EXOC4: variants seen among roughly 807,000 people sequenced by gnomAD.
EXOC4 encodes exocyst complex component 4, also known as SEC8-like 1.
EXOC4 carries 71 observed loss-of-function variants against 107.2 expected under a neutral mutation model. That is an observed-to-expected ratio of 0.66 (90% CI 0.55 to 0.81). The LOEUF is 0.81. Ranked by LOEUF, EXOC4 falls within the 30% of genes least tolerant of loss-of-function variation. EXOC4 has a pLI of 0.00. For missense variants in EXOC4, 1,108 were observed against 1,189.6 expected, an observed-to-expected ratio of 0.93 and a Z score of 1.01; for synonymous variants, 456 against 441.2, an observed-to-expected ratio of 1.03 and a Z score of -0.42.
intron 17 of EXOC4, among the ~76,000 whole-genome samples, chr7:134,057,022 C>T (rs763056519): frequency 2.6e-5 from 4 of 152,152 alleles, no homozygotes; most frequent in Non-Finnish European, 5.9e-5. Context: ...TAACTTTCAG[C>T]GTCTCCCCAG....
At chr7:133,361,281 A>C (rs1021272409) in intron 6 of EXOC4, among the ~76,000 whole-genome samples, 3 of 152,022 alleles carry the variant, frequency 2.0e-5, no homozygotes, top group Non-Finnish European at 4.4e-5. Flanking sequence ...GTATTGATTA[A>C]ATTTTTTCTT....
chr7:133,262,355 T>G (rs1443536371), intron 1 of EXOC4, among the ~76,000 whole-genome samples: 1 of 151,538 alleles, frequency 6.6e-6, no homozygotes, highest in Admixed American at 6.6e-5. Flanking sequence ...TTGGTCCTTA[T>G]AGTGGCCAGT....
chr7:133,331,610 C>T lies in EXOC4; in HGVS notation c.763+14220C>T, dbSNP rs557432780. ...CCTCCCCAGTAGCTGGGACTACAGG[C>T]GCCCGCCACCTCGCCCGGCTAATTT... is the stretch of plus-strand genomic sequence containing the variant. On this transcript the variant is annotated intron_variant, in intron 5 of 17. Transcript: ENST00000253861. 2.1e-3 allele frequency among the ~76,000 whole-genome samples: 318 copies of T among 151,866 alleles called. 1 individual carries two copies. Among genetic ancestry groups the T allele is most frequent in the African/African-American group, 7.2e-3 (299 of 41,422 alleles).
At chr7:133,712,601 A>G (rs1157291782) in intron 10 of EXOC4, among the ~76,000 whole-genome samples, 1 of 152,132 alleles carries the variant, frequency 6.6e-6, no homozygotes, top group Non-Finnish European at 1.5e-5. Context: ...ACTCCTAGAT[A>G]TATATACCAA....
At chr7:133,495,055 T>G (rs576033142) in intron 9 of EXOC4, among the ~76,000 whole-genome samples, 7 of 152,162 alleles carry the variant, frequency 4.6e-5, no homozygotes, top group Admixed American at 4.6e-4. Context: ...GCAGATCACG[T>G]GAGATCAGGA....
chr7:133,344,483 G>C (rs1584834009), intron 5 of EXOC4, among the ~76,000 whole-genome samples: 1 of 152,150 alleles, frequency 6.6e-6, no homozygotes, highest in East Asian at 1.9e-4. Context: ...GCAAAGTCCA[G>C]ATCTTTGTTT....
chr7:133,923,968 G>A (rs1799995846), intron 13 of EXOC4, among the ~76,000 whole-genome samples: 1 of 148,604 alleles, frequency 6.7e-6, no homozygotes, highest in Non-Finnish European at 1.5e-5. Context: ...ATGTTGTCAT[G>A]ACTATAGTGT....
chr7:133,697,416 A>G (rs1220687751), intron 10 of EXOC4, among the ~76,000 whole-genome samples: 1 of 151,984 alleles, frequency 6.6e-6, no homozygotes. Flanking sequence ...CCTTTTTTCC[A>G]TTGAGCATTG....
intron 9 of EXOC4, among the ~76,000 whole-genome samples, chr7:133,555,344 A>G (rs533236282): frequency 1.6e-4 from 25 of 152,260 alleles, no homozygotes; most frequent in African/African-American, 5.1e-4. Context: ...ATTTTTCTTT[A>G]TAGTAGTTTT....
At chr7:133,801,468 A>G (rs1042355377) in intron 10 of EXOC4, among the ~76,000 whole-genome samples, 9 of 152,194 alleles carry the variant, frequency 5.9e-5, no homozygotes, top group African/African-American at 2.2e-4. Flanking sequence ...TGCAGGCCTA[A>G]TTCTCGTGTC....
intron 14 of EXOC4, among the ~76,000 whole-genome samples, chr7:133,942,025 T>C (rs1399590306): frequency 6.6e-6 from 1 of 152,184 alleles, no homozygotes; most frequent in Non-Finnish European, 1.5e-5. Context: ...TACATAAAAA[T>C]TGTTAGACTA....
At chr7:133,914,912 A>G (rs6942890) in intron 12 of EXOC4, among the ~76,000 whole-genome samples, 5,767 of 152,312 alleles carry the variant, frequency 0.038, 330 homozygotes, top group African/African-American at 0.13. Flanking sequence ...CACTTCATAG[A>G]AGGAACTTAA....
At chr7:133,684,886 T>C (rs1794263039) in intron 10 of EXOC4, among the ~76,000 whole-genome samples, 1 of 152,054 alleles carries the variant, frequency 6.6e-6, no homozygotes, top group Non-Finnish European at 1.5e-5. Flanking sequence ...GGATGGAGAA[T>C]TGAAACCTCC....
At chr7:133,868,150 C>A (rs1403124200) in intron 11 of EXOC4, among the ~76,000 whole-genome samples, 1 of 151,904 alleles carries the variant, frequency 6.6e-6, no homozygotes, top group Non-Finnish European at 1.5e-5. Flanking sequence ...TTTATTTATT[C>A]TTCTCATCTT....
In EXOC4 at chr7:133,697,580, G is replaced by A. The variant is rs1050677246; in HGVS notation, c.1514+67439G>A. Among the ~76,000 whole-genome samples the A allele has an allele frequency of 1.1e-4, 16 of 152,216 alleles. 1 individual carries two copies. Among genetic ancestry groups the A allele is most frequent in the Admixed American group, 2.0e-4 (3 of 15,288 alleles). On this transcript the variant is annotated intron_variant, in intron 10 of 17. Coordinates refer to ENST00000253861, the MANE Select transcript of EXOC4 (RefSeq NM_021807.4). Reference sequence around the variant, plus strand: ...TTATTCTTGGCACTTGTTAAAGATGGTGAGGGAGGCTTTATTCAAGGGGCC... The same window carrying A: ...TTATTCTTGGCACTTGTTAAAGATGATGAGGGAGGCTTTATTCAAGGGGCC...
intron 17 of EXOC4, 62 bp downstream of exon 17, chr7:134,007,897 T>G: frequency 6.8e-7 from 1 of 1,462,306 alleles, no homozygotes; most frequent in Non-Finnish European, 9.2e-7. Flanking sequence ...GCCTGTGAAG[T>G]CATTTTTAAA....
At chr7:134,021,079 G>T (rs1795019065) in intron 17 of EXOC4, among the ~76,000 whole-genome samples, 1 of 152,108 alleles carries the variant, frequency 6.6e-6, no homozygotes, top group African/African-American at 2.4e-5. Context: ...TAAAGCCAGA[G>T]AGCGGTTTGA....
chr7:133,855,940 G>A (rs933981642), intron 11 of EXOC4, among the ~76,000 whole-genome samples: 2 of 152,150 alleles, frequency 1.3e-5, no homozygotes, highest in Non-Finnish European at 2.9e-5. Context: ...ATATAAATAG[G>A]TCCTATCCCT....
At chr7:133,782,415 C>T (rs1796486921) in intron 10 of EXOC4, among the ~76,000 whole-genome samples, 1 of 152,138 alleles carries the variant, frequency 6.6e-6, no homozygotes. Flanking sequence ...AGGGCATTAA[C>T]ATTAATCAAA....
Sources: gnomAD v4.1 joint callset for allele counts (sites outside exome capture counted in the v4.1 genomes callset) on GRCh38, gnomAD v4.1.1 for gene constraint, MANE v1.5 for transcripts, NCBI Gene and HGNC (gene_info 2026-07-23, HGNC 2026-07-21) for gene names.